The following VASH2 variants were observed in gnomAD, a reference collection of about 807,000 sequenced individuals.
VASH2 encodes tubulinyl-Tyr carboxypeptidase 2.
Under a neutral mutation model 37.2 loss-of-function variants are expected in VASH2, and 28 were observed. The observed-to-expected ratio is 0.75, with a 90% CI of 0.56 to 1.03. VASH2 has a LOEUF of 1.03. VASH2 is among the 50% of genes least tolerant of loss of function. The probability of loss-of-function intolerance (pLI) is 0.00; values close to 1 mark genes in which losing one functional copy is unlikely to be tolerated. For synonymous variants in VASH2, 188 were observed against 174.7 expected (o/e 1.08, Z -0.60); for missense variants, 419 against 459.1 (o/e 0.91, Z 0.80).
At chr1:212,962,977 CTT>C (rs113122383) in intron 3 of VASH2, among the ~76,000 whole-genome samples, 9,424 of 147,342 alleles carry the variant, frequency 0.064, 650 homozygotes, top group African/African-American at 0.18. Flanking sequence ...CTCCCCATCT[CTT>C]TTTTTTTTTT....
intron 2 of VASH2, among the ~76,000 whole-genome samples, chr1:212,955,066 G>A (rs1475155470): frequency 2.0e-5 from 3 of 152,164 alleles, no homozygotes; most frequent in Non-Finnish European, 4.4e-5. Context: ...CTTTCCTCTG[G>A]GGTCAAGTCC....
rs766379295 is a variant in VASH2, at chr1:212,951,738, A to T, written c.196A>T (p.Met66Leu). 3 of 1,607,806 alleles carry T rather than the reference A, an allele frequency of 1.9e-6. No individual in the cohort carries two copies. The Admixed American group carries it at 5.1e-5, about 27-fold the overall frequency. Reference sequence around the variant, plus strand: ...CATCGACAGCCACACCTGGGAGCGCATGTGGATGCACGTGGCCAAGGTGCA... The same window carrying T: ...CATCGACAGCCACACCTGGGAGCGCTTGTGGATGCACGTGGCCAAGGTGCA... ...FPIDSHTWERMWMHVAKVHPK... is the reference protein window; with the variant it reads ...FPIDSHTWERLWMHVAKVHPK... The change falls in exon 2 of 8, where the codon ATG (methionine) becomes TTG (leucine). Residue 66 changes from methionine (M) to leucine (L), a missense_variant. This residue lies in a region of VASH2 where 158 missense variants were observed against 163.0 expected (regional missense o/e 0.97). Coordinates refer to ENST00000517399, the MANE Select transcript of VASH2 (RefSeq NM_001301056.2). The surrounding 1 kb of genome is among the most constrained non-coding windows in gnomAD (Gnocchi z 4.4).
chr1:212,987,258 C>CTTT (rs148744740), intron 7 of VASH2, among the ~76,000 whole-genome samples: 2 of 140,292 alleles, frequency 1.4e-5, no homozygotes, highest in African/African-American at 5.2e-5. Flanking sequence ...TCTTTTTGGT[C>CTTT]TTTTTTTTTT....
At chr1:212,967,111 C>A in intron 5 of VASH2, 1 of 1,304,518 alleles carries the variant, frequency 7.7e-7, no homozygotes, top group Middle Eastern at 2.1e-4. Context: ...CCTGACTTGA[C>A]AGAACCCACA....
intron 2 of VASH2, among the ~76,000 whole-genome samples, chr1:212,959,766 T>C (rs1312160039): frequency 6.6e-6 from 1 of 152,222 alleles, no homozygotes; most frequent in Non-Finnish European, 1.5e-5. Flanking sequence ...CTGGCCTGGC[T>C]GCACAGGGCC....
At chr1:212,954,812 A>G (rs965886509) in intron 2 of VASH2, among the ~76,000 whole-genome samples, 18 of 152,222 alleles carry the variant, frequency 1.2e-4, no homozygotes, top group African/African-American at 4.3e-4. Context: ...AGGAATCCCC[A>G]GCCCAAATGT....
chr1:212,970,990 A>C (rs1666995933), intron 5 of VASH2, among the ~76,000 whole-genome samples: 2 of 150,416 alleles, frequency 1.3e-5, no homozygotes, highest in Non-Finnish European at 3.0e-5. Flanking sequence ...CCTGCCCACC[A>C]CCGTTCTACT....
At chr1:212,975,892 C>T (rs532490366) in intron 7 of VASH2, among the ~76,000 whole-genome samples, 7 of 152,304 alleles carry the variant, frequency 4.6e-5, no homozygotes, top group Admixed American at 2.0e-4. Context: ...GCAATGGATT[C>T]CTGCACAGAA....
rs1666303138 is a variant in VASH2, at chr1:212,951,498, G to A, written c.-45G>A. 4.1e-6 allele frequency: 5 copies of A among 1,206,140 alleles called. No homozygotes were observed. In the South Asian group the frequency reaches 2.1e-4, roughly 50 times the overall value. 74.7% of individuals were successfully genotyped at this position (1,206,140 alleles called of 1,614,324 possible). Reference sequence around the variant, plus strand: ...GCCCCCCGCCGCCGCCGCCGCTGCCGCCGCCGCGCGCCCCCAGTACCTCGC... The same window carrying A: ...GCCCCCCGCCGCCGCCGCCGCTGCCACCGCCGCGCGCCCCCAGTACCTCGC... On this transcript the variant is annotated 5_prime_UTR_variant, in exon 2 of 8. Transcript: ENST00000517399. This position sits in a 1 kb window ranked among gnomAD's most constrained non-coding sequence, Gnocchi z 4.4.
rs892094882 is a variant in VASH2 at position 212,950,970 on chromosome 1, G to A, written c.-205+230G>A. 6.6e-6 allele frequency among the ~76,000 whole-genome samples: 1 copy of A among 152,232 alleles called. No individual in the cohort carries two copies. Among genetic ancestry groups the A allele is most frequent in the Non-Finnish European group, 1.5e-5 (1 of 68,036 alleles). ...TGGGCGCTCACATGCCAGCACGTTC[G>A]TGGCTCCCCTCCTCTCTTGGCCACA... On this transcript the variant is annotated intron_variant, in intron 1 of 7. Coordinates refer to ENST00000517399, the MANE Select transcript of VASH2 (RefSeq NM_001301056.2). This position sits in a 1 kb window ranked among gnomAD's most constrained non-coding sequence, Gnocchi z 5.5.
chr1:212,988,128 A>G (rs770550895), intron 7 of VASH2, among the ~76,000 whole-genome samples: 3 of 152,192 alleles, frequency 2.0e-5, no homozygotes, highest in African/African-American at 7.2e-5. Context: ...TAGGAAGCCA[A>G]TGTTTCAAGG....
At chr1:212,973,538 A>G in intron 6 of VASH2, 1 of 1,288,686 alleles carries the variant, frequency 7.8e-7, no homozygotes, top group Middle Eastern at 2.1e-4. Context: ...ATTCCTGATC[A>G]ATTAAAACCA....
At chr1:212,973,483 C>T in intron 6 of VASH2, 1 of 1,290,840 alleles carries the variant, frequency 7.7e-7, no homozygotes, top group Non-Finnish European at 1.0e-6. Flanking sequence ...CTATGTTTAG[C>T]ACTTGTGGAC....
chr1:212,977,794 T>G (rs1338630181), intron 7 of VASH2, among the ~76,000 whole-genome samples: 5 of 152,186 alleles, frequency 3.3e-5, no homozygotes, highest in African/African-American at 1.2e-4. Context: ...AGCTTCTGAT[T>G]CAGCACATAT....
intron 3 of VASH2, 61 bp from the exon 4 acceptor site, chr1:212,965,661 C>G (rs1464043039): frequency 6.9e-7 from 1 of 1,442,720 alleles, no homozygotes; most frequent in African/African-American, 1.4e-5. Context: ...ATAGCTTTCT[C>G]TGCCACATTA....
At chr1:212,970,292 G>A (rs769504310) in intron 5 of VASH2, among the ~76,000 whole-genome samples, 1 of 152,122 alleles carries the variant, frequency 6.6e-6, no homozygotes, top group Non-Finnish European at 1.5e-5. Context: ...TTTACCAGTT[G>A]ACATCATGAT....
intron 7 of VASH2, among the ~76,000 whole-genome samples, chr1:212,979,685 GA>G (rs903635421): frequency 2.0e-5 from 3 of 152,204 alleles, no homozygotes; most frequent in African/African-American, 7.2e-5. Flanking sequence ...GAGGGCAGGT[GA>G]AGATGACTGC....
intron 2 of VASH2, among the ~76,000 whole-genome samples, chr1:212,957,110 G>T (rs577011233): frequency 2.6e-5 from 4 of 152,284 alleles, no homozygotes; most frequent in African/African-American, 7.2e-5. Flanking sequence ...TTATATAAGA[G>T]GAATTATTCA....
chr1:212,962,247 C>T (rs370633456), intron 3 of VASH2, among the ~76,000 whole-genome samples: 12 of 152,180 alleles, frequency 7.9e-5, no homozygotes, highest in East Asian at 3.8e-4. Context: ...GCTGTAGGGA[C>T]AGAGGGGCAG....
Sources: allele counts gnomAD v4.1 joint callset (sites outside exome capture counted in the v4.1 genomes callset), GRCh38; gene constraint gnomAD v4.1.1; regional missense constraint gnomAD v4.1.1; non-coding constraint Gnocchi (gnomAD v3.1); transcripts MANE v1.5; gene names NCBI Gene and HGNC (gene_info 2026-07-23, HGNC 2026-07-21).